The following IL12RB1 variants were observed in gnomAD, a reference collection of about 807,000 sequenced individuals.
The protein encoded by IL12RB1 is interleukin-12 receptor subunit beta-1.
Under a neutral mutation model 94.4 loss-of-function variants are expected in IL12RB1, and 64 were observed. That is an observed-to-expected ratio of 0.68 (90% CI 0.55 to 0.83). IL12RB1 has a LOEUF of 0.83. IL12RB1 is among the 40% of genes least tolerant of loss of function. The probability of loss-of-function intolerance (pLI) is 0.00; values close to 1 mark genes in which losing one functional copy is unlikely to be tolerated. For synonymous variants in IL12RB1, 362 were observed against 355.5 expected (o/e 1.02, Z -0.21); for missense variants, 814 against 855.6 (o/e 0.95, Z 0.61).
At chr19:18,085,350 C>A (rs998358193) in intron 1 of IL12RB1, among the ~76,000 whole-genome samples, 2 of 135,984 alleles carry the variant, frequency 1.5e-5, no homozygotes, top group African/African-American at 5.3e-5. Context: ...CACCCACCCA[C>A]CCCTGAGAGC....
At chr19:18,077,366 A>C in intron 5 of IL12RB1, 150 bp downstream of exon 5, 1 of 680,732 alleles carries the variant, frequency 1.5e-6, no homozygotes, top group Non-Finnish European at 2.6e-6. Flanking sequence ...CGTCTCAGAA[A>C]AAAAAAAAGA....
intron 2 of IL12RB1, chr19:18,083,039 G>A: frequency 1.2e-5 from 4 of 345,196 alleles, no homozygotes; most frequent in South Asian, 9.6e-5. Flanking sequence ...GCTGTGATCA[G>A]GCCACTGCAC....
At position 18,086,873 on chromosome 19, in the gene IL12RB1, C is replaced by T. The variant is rs370840094; in HGVS notation, c.-50G>A. Reference sequence around the variant, plus strand: ...CCCAGGGGAGCCTCTCTGCCACCTGCGAGGTTCAGCCACCCCGTCCCCACT... The same window carrying T: ...CCCAGGGGAGCCTCTCTGCCACCTGTGAGGTTCAGCCACCCCGTCCCCACT... On this transcript the variant is annotated 5_prime_UTR_variant, in exon 1 of 17. Coordinates refer to ENST00000593993, the MANE Select transcript of IL12RB1 (RefSeq NM_005535.3). 39 of 1,587,808 alleles carry T rather than the reference C, an allele frequency of 2.5e-5. No homozygotes were observed. Among genetic ancestry groups the T allele is most frequent in the Admixed American group, 1.2e-4 (7 of 56,732 alleles).
chr19:18,076,695 C>T lies in IL12RB1; in HGVS notation c.550-368G>A, dbSNP rs77151415. Among the ~76,000 whole-genome samples, 2,541 of 152,144 alleles carry T rather than the reference C, an allele frequency of 0.017. 194 individuals are homozygous for T. The East Asian group carries it at 0.25, about 15-fold the overall frequency. ...CACTGGGATTACAGGCGTGAGCCAC[C>T]GCACCTCGCTAAATTTTTTTAAATT... On this transcript the variant is annotated intron_variant, in intron 5 of 16. Transcript: ENST00000593993.
rs568897306 is a variant in IL12RB1, at chr19:18,066,696, G to A, written c.1329C>T (p.Ala443=). 2.8e-5 allele frequency: 45 copies of A among 1,608,636 alleles called. No homozygotes were observed. In the South Asian group the frequency reaches 3.8e-4, roughly 14 times the overall value. ...CGTGGTGCGGTGTCCCAGCTGCTGA[G>A]GCTGCAACCAGTACCATTGTCATAG... ...VLSTYHFGGN[A]SAAGTPHHVS... Residue 443 remains alanine (A), a splice_region_variant and synonymous_variant, in exon 12 of 17, where the codon GCC becomes GCT. Coordinates refer to ENST00000593993, the MANE Select transcript of IL12RB1 (RefSeq NM_005535.3).
intron 4 of IL12RB1, among the ~76,000 whole-genome samples, chr19:18,078,621 C>T (rs2035655918): frequency 1.3e-5 from 2 of 151,746 alleles, no homozygotes; most frequent in Admixed American, 6.6e-5. Context: ...GTGATCCGCC[C>T]ACCTCGGGCT....
upstream of IL12RB1, among the ~76,000 whole-genome samples, chr19:18,088,711 G>A (rs2036495408): frequency 6.6e-6 from 1 of 151,988 alleles, no homozygotes; most frequent in African/African-American, 2.4e-5. Context: ...TCTGATCCAA[G>A]CTACCATGTG....
intron 1 of IL12RB1, among the ~76,000 whole-genome samples, chr19:18,094,425 G>A (rs779219939): frequency 6.6e-6 from 1 of 151,456 alleles, no homozygotes; most frequent in Non-Finnish European, 1.5e-5. Context: ...CAGCACACAC[G>A]GCCAACACAT....
chr19:18,087,888 T>A (rs1016249261), upstream of IL12RB1, among the ~76,000 whole-genome samples: 1 of 152,064 alleles, frequency 6.6e-6, no homozygotes, highest in African/African-American at 2.4e-5. Context: ...ATGGCCTAAT[T>A]TCATCCTTCC....
chr19:18,076,899 A>G (rs193072589), intron 5 of IL12RB1, among the ~76,000 whole-genome samples: 62 of 152,298 alleles, frequency 4.1e-4, no homozygotes, highest in Admixed American at 4.1e-3. Flanking sequence ...GAGCAGAAAA[A>G]AGACATTCCT....
intron 1 of IL12RB1, among the ~76,000 whole-genome samples, chr19:18,084,706 C>A (rs1209864564): frequency 1.3e-5 from 2 of 152,134 alleles, no homozygotes; most frequent in African/African-American, 2.4e-5. Flanking sequence ...TCCATACATA[C>A]ATACATGTAT....
upstream of IL12RB1, among the ~76,000 whole-genome samples, chr19:18,091,249 C>T (rs889966341): frequency 1.3e-5 from 2 of 152,234 alleles, no homozygotes; most frequent in East Asian, 1.9e-4. Context: ...TCCTTCCCTC[C>T]GTCTCTAGGC....
chr19:18,073,633 G>A, intron 7 of IL12RB1, 34 bp from the exon 8 acceptor site: 2 of 1,282,094 alleles, frequency 1.6e-6, no homozygotes, highest in Non-Finnish European at 2.3e-6. Context: ...AGACGAATTG[G>A]AAGGAGAGAA....
At chr19:18,097,689 C>G in intron 1 of IL12RB1, 2 of 711,010 alleles carry the variant, frequency 2.8e-6, no homozygotes, top group Non-Finnish European at 3.7e-6. Flanking sequence ...AGGGGCGGGG[C>G]CAGGCCGTGT....
intron 4 of IL12RB1, among the ~76,000 whole-genome samples, chr19:18,079,304 A>G (rs1244161166): frequency 6.6e-6 from 1 of 151,580 alleles, no homozygotes; most frequent in Non-Finnish European, 1.5e-5. Flanking sequence ...GGGTTTCACC[A>G]TGTTGGTCAG....
rs17884870 is a variant in IL12RB1 at position 18,082,509 on chromosome 19, GT to G, written c.125-246del. On this transcript the variant is annotated intron_variant, in intron 2 of 16. Coordinates refer to ENST00000593993, the MANE Select transcript of IL12RB1 (RefSeq NM_005535.3). ...TCTCTATCCCTCACCCTCCTCTGGT[GT>G]TTTTTTTTGGGGGGTCCCCAGGGCC... Among the ~76,000 whole-genome samples the G allele has an allele frequency of 9.8e-3, 1,475 of 150,870 alleles. 15 individuals are homozygous for G. Among genetic ancestry groups the G allele is most frequent in the African/African-American group, 0.029 (1,179 of 41,084 alleles).
At chr19:18,081,847 AATGGATGGATGGATGG>A (rs3048839) in intron 3 of IL12RB1, among the ~76,000 whole-genome samples, 4 of 148,518 alleles carry the variant, frequency 2.7e-5, no homozygotes, top group South Asian at 2.2e-4. Context: ...AAAAAGAAAA[AATGGATGGATGGATGG>A]ATGGATGGAT....
chr19:18,092,750 C>T (rs557478826), intron 1 of IL12RB1, among the ~76,000 whole-genome samples: 707 of 147,884 alleles, frequency 4.8e-3, no homozygotes, highest in Non-Finnish European at 7.6e-3. Flanking sequence ...GGGATCCTCC[C>T]ACCTCAGCCT....
At chr19:18,082,087 G>A (rs1038704708) in intron 3 of IL12RB1, 63 bp downstream of exon 3, 4 of 993,180 alleles carry the variant, frequency 4.0e-6, no homozygotes, top group Middle Eastern at 2.2e-4. Context: ...AGGGGCACCA[G>A]AGGGGGTTGA....
Sources: allele counts gnomAD v4.1 joint callset (sites outside exome capture counted in the v4.1 genomes callset), GRCh38; gene constraint gnomAD v4.1.1; transcripts MANE v1.5; gene names NCBI Gene and HGNC (gene_info 2026-07-23, HGNC 2026-07-21).